EARS2: variants seen among roughly 807,000 people sequenced by gnomAD.
EARS2 encodes the protein glutamyl-tRNA synthetase 2, mitochondrial, also known as nondiscriminating glutamyl-tRNA synthetase EARS2, mitochondrial.
EARS2 carries 50 observed loss-of-function variants against 54.1 expected under a neutral mutation model. That is an observed-to-expected ratio of 0.92 (90% CI 0.74 to 1.17). The LOEUF is 1.17. EARS2 is among the 50% of genes most tolerant of loss of function. The pLI is 0.00. For synonymous variants in EARS2, 298 were observed against 281.0 expected (o/e 1.06, Z -0.61); for missense variants, 673 against 675.0 (o/e 1.00, Z 0.03).
rs760931294 is a variant in EARS2, at chr16:23,529,904, A to G, written c.1068-7T>C. ...CAGCCGCTGGAGGTGCAGTCTGCGGAAGAAATCAAGGGGCTGCCCTGCTGT... is the reference window on the plus strand; with the variant it reads ...CAGCCGCTGGAGGTGCAGTCTGCGGGAGAAATCAAGGGGCTGCCCTGCTGT... On this transcript the variant is annotated splice_polypyrimidine_tract_variant and splice_region_variant and intron_variant, in intron 5 of 8. Coordinates refer to ENST00000449606, the MANE Select transcript of EARS2 (RefSeq NM_001083614.2). 6.2e-7 allele frequency: 1 copy of G among 1,613,860 alleles called. No individual in the cohort carries two copies. The highest frequency in any genetic ancestry group is 8.5e-7 in the Non-Finnish European group (1 of 1,179,946).
chr16:23,549,535 C>T (rs117157244), intron 2 of EARS2, among the ~76,000 whole-genome samples: 2,502 of 152,312 alleles, frequency 0.016, 46 homozygotes, highest in Non-Finnish European at 0.024. Context: ...CAGCTCACTG[C>T]AGCCTCAACC....
In EARS2 at chr16:23,555,626, T is replaced by C. The variant is rs1038717101; in HGVS notation, c.139+1579A>G. Among the ~76,000 whole-genome samples, 3 of 152,244 alleles carry C rather than the reference T, an allele frequency of 2.0e-5. No individual in the cohort carries two copies. The South Asian group carries it at 6.2e-4, about 32-fold the overall frequency. On this transcript the variant is annotated intron_variant, in intron 1 of 8. Transcript: ENST00000449606. ...CTTCAAAGCAAAGTGTGCAATCCAG[T>C]GCTGGTCTGAAAACAGTTGTCAGTT...
rs1234534577 is a variant in EARS2 at position 23,521,792 on chromosome 16, C to T, written c.*2579G>A. 7 of 453,778 alleles carry T rather than the reference C, an allele frequency of 1.5e-5. No homozygotes were observed. The highest frequency in any genetic ancestry group is 3.1e-5 in the Non-Finnish European group (7 of 226,264). 28.1% of individuals were successfully genotyped at this position (453,778 alleles called of 1,614,324 possible). On this transcript the variant is annotated 3_prime_UTR_variant, in exon 9 of 9. Transcript: ENST00000449606. ...CCACTCACTTTGTTAAAAACACTCA[C>T]TTGACCATGAGCCAAGAAGCTCCTT...
At chr16:23,529,966 G>C in intron 5 of EARS2, 69 bp from the exon 6 acceptor site, 1 of 1,574,690 alleles carries the variant, frequency 6.4e-7, no homozygotes, top group East Asian at 2.2e-5. Flanking sequence ...TCTCCCCCAG[G>C]GAAAGGGTGA....
At chr16:23,534,565 G>A (rs1567381515) in intron 4 of EARS2, among the ~76,000 whole-genome samples, 1 of 152,072 alleles carries the variant, frequency 6.6e-6, no homozygotes, top group Non-Finnish European at 1.5e-5. Flanking sequence ...TGCTGGGCTG[G>A]GTACCTTACA....
Position 23,535,236 on chromosome 16 carries a change from C to T in EARS2, c.610G>A (p.Gly204Ser), listed in dbSNP as rs397514592. 2.5e-5 allele frequency: 40 copies of T among 1,613,244 alleles called. No individual in the cohort carries two copies. Among genetic ancestry groups the T allele is most frequent in the Admixed American group, 5.0e-5 (3 of 60,004 alleles). The change falls in exon 4 of 9, where the codon GGC becomes AGC. Residue 204 changes from glycine to serine, a missense_variant. Gly to Ser is a moderately conservative substitution (Grantham distance 56). Coordinates refer to ENST00000449606, the MANE Select transcript of EARS2 (RefSeq NM_001083614.2). ...CTGGCCACTTCATGCCTATTCCAGC[C>T]ATAGACCAGGTCCTGGAAGGCTGGC... ...VVPAFQDLVYGWNRHEVASVE... is the reference protein window; with the variant it reads ...VVPAFQDLVYSWNRHEVASVE...
At chr16:23,525,430 G>T in intron 7 of EARS2, 51 bp from the exon 8 acceptor site, 15 of 1,572,022 alleles carry the variant, frequency 9.5e-6, no homozygotes, top group Non-Finnish European at 1.3e-5. Context: ...ATGGCAAGTG[G>T]GTGGGAGGAA....
intron 7 of EARS2, among the ~76,000 whole-genome samples, chr16:23,527,113 C>T (rs1302708290): frequency 2.0e-5 from 3 of 152,144 alleles, no homozygotes; most frequent in African/African-American, 7.2e-5. Flanking sequence ...CAGGCACCCA[C>T]CACGATGCCT....
At chr16:23,532,440 C>A in intron 5 of EARS2, 1 of 409,898 alleles carries the variant, frequency 2.4e-6, no homozygotes, top group Non-Finnish European at 4.4e-6. Context: ...TTTCATGCAA[C>A]ACTTAATACA....
chr16:23,530,626 A>G (rs1965311120), intron 5 of EARS2, among the ~76,000 whole-genome samples: 1 of 152,064 alleles, frequency 6.6e-6, no homozygotes, highest in South Asian at 2.1e-4. Context: ...CCAGAACTTT[A>G]GGAGGCCAAG....
intron 3 of EARS2, chr16:23,537,691 G>A (rs1331770289): frequency 6.6e-6 from 1 of 152,000 alleles, no homozygotes; most frequent in Non-Finnish European, 1.5e-5. Context: ...TCTCATCTCA[G>A]CCTCCCGAGC....
chr16:23,554,507 C>CA (rs1385897019), intron 1 of EARS2, among the ~76,000 whole-genome samples: 1 of 152,186 alleles, frequency 6.6e-6, no homozygotes, highest in Non-Finnish European at 1.5e-5. Flanking sequence ...GACCAGCCCA[C>CA]AGCCCTAAGT....
chr16:23,539,995 A>G (rs1965486270), intron 3 of EARS2, among the ~76,000 whole-genome samples: 1 of 152,044 alleles, frequency 6.6e-6, no homozygotes, highest in Non-Finnish European at 1.5e-5. Context: ...ACCAAAAAAT[A>G]CAAAAAAAAT....
At position 23,532,640 on chromosome 16, in the gene EARS2, C is replaced by T. The variant is rs780850990; in HGVS notation, c.1067+17G>A. 5 of 1,592,812 alleles carry T rather than the reference C, an allele frequency of 3.1e-6. No individual in the cohort carries two copies. In the Admixed American group the frequency reaches 8.4e-5, roughly 27 times the overall value. On this transcript the variant is annotated intron_variant, in intron 5 of 8. Coordinates refer to ENST00000449606, the MANE Select transcript of EARS2 (RefSeq NM_001083614.2). Reference sequence around the variant, plus strand: ...AAAGCCCTTTGCCACCAGGGGATCTCCATGCTCCCCACTCACCTGTTGAAT... The same window carrying T: ...AAAGCCCTTTGCCACCAGGGGATCTTCATGCTCCCCACTCACCTGTTGAAT...
chr16:23,549,134 G>A (rs1439217498), intron 2 of EARS2, among the ~76,000 whole-genome samples: 1 of 152,104 alleles, frequency 6.6e-6, no homozygotes, highest in Admixed American at 6.6e-5. Flanking sequence ...ACAGGAGAAA[G>A]AGAGCTGTAA....
intron 1 of EARS2, chr16:23,552,978 T>C: frequency 3.1e-6 from 1 of 327,420 alleles, no homozygotes; most frequent in Non-Finnish European, 6.1e-6. Flanking sequence ...TAGCAAAAAA[T>C]ATAAAAATTT....
chr16:23,543,171 C>A (rs1192721154), intron 3 of EARS2, among the ~76,000 whole-genome samples: 1 of 146,636 alleles, frequency 6.8e-6, no homozygotes, highest in Non-Finnish European at 1.5e-5. Context: ...ATAATCCCAG[C>A]ACTTTAGGAG....
chr16:23,535,165 T>A lies in EARS2; in HGVS notation c.681A>T (p.Thr227=), dbSNP rs202009901. ...PVIMKSDGFP[T]YHLACVVDDH... ...CGTCCACCACGCAGGCCAGGTGGTA[T>A]GTGGGGAAGCCGTCGCTCTTCATGA... The change falls in exon 4 of 9, where the codon ACA becomes ACT. Residue 227 remains threonine (T), a synonymous_variant. Transcript: ENST00000449606. 29 of 1,613,602 alleles carry A rather than the reference T, an allele frequency of 1.8e-5. No individual in the cohort carries two copies. The African/African-American group carries it at 2.7e-4, about 15-fold the overall frequency.
At chr16:23,529,230 G>A (rs77550070) in intron 7 of EARS2, among the ~76,000 whole-genome samples, 11 of 152,218 alleles carry the variant, frequency 7.2e-5, no homozygotes, top group Admixed American at 3.9e-4. Context: ...AAGTGAAGCC[G>A]CCTGAGCAAG....
Sources: gnomAD v4.1 joint callset for allele counts (sites outside exome capture counted in the v4.1 genomes callset) on GRCh38, gnomAD v4.1.1 for gene constraint, MANE v1.5 for transcripts, NCBI Gene and HGNC (gene_info 2026-07-23, HGNC 2026-07-21) for gene names.